Variants in CHRM3 observed in about 807,000 individuals in gnomAD.
CHRM3 encodes the protein muscarinic acetylcholine receptor M3.
In CHRM3, 11 loss-of-function variants were observed where a neutral mutation model predicts 41.8. The ratio of observed to expected loss-of-function variants is 0.26; its 90% CI spans 0.17 to 0.44. The LOEUF is 0.44. Ranked by LOEUF, CHRM3 falls within the 20% of genes least tolerant of loss-of-function variation. The probability of loss-of-function intolerance (pLI) is 1.00; values close to 1 mark genes in which losing one functional copy is unlikely to be tolerated. For synonymous variants in CHRM3, 297 were observed against 301.4 expected (o/e 0.99, Z 0.15); for missense variants, 571 against 745.4 (o/e 0.77, Z 2.72).
rs1211315146 is a variant in CHRM3 at position 239,615,851 on chromosome 1, A to C, written c.-312-16373A>C. Among the ~76,000 whole-genome samples the C allele has an allele frequency of 2.6e-5, 4 of 152,304 alleles. No individual in the cohort carries two copies. The East Asian group carries it at 5.8e-4, about 22-fold the overall frequency. On this transcript the variant is annotated intron_variant, in intron 3 of 6. Transcript: ENST00000676153. ...TTTCTTCCTAAAACTTGGTTCAGCC[A>C]GGGTACTTTCTTACATGCCACTCTT...
intron 5 of CHRM3, among the ~76,000 whole-genome samples, chr1:239,689,389 A>G (rs1186186667): frequency 6.6e-6 from 1 of 152,196 alleles, no homozygotes; most frequent in Non-Finnish European, 1.5e-5. Flanking sequence ...TGACATTCAA[A>G]TTTAGGCTAA....
At chr1:239,685,901 C>A (rs1423708096) in intron 5 of CHRM3, among the ~76,000 whole-genome samples, 1 of 152,090 alleles carries the variant, frequency 6.6e-6, no homozygotes, top group Non-Finnish European at 1.5e-5. Flanking sequence ...CCTGTCACTG[C>A]CTCCTGCCAT....
intron 1 of CHRM3, among the ~76,000 whole-genome samples, chr1:239,435,408 C>G (rs889139368): frequency 1.1e-4 from 17 of 151,160 alleles, no homozygotes; most frequent in African/African-American, 4.1e-4. Context: ...GAGATTGCAC[C>G]ACTGCACTCC....
At chr1:239,593,609 C>T (rs1315119028) in intron 3 of CHRM3, among the ~76,000 whole-genome samples, 2 of 152,066 alleles carry the variant, frequency 1.3e-5, no homozygotes, top group Non-Finnish European at 2.9e-5. Flanking sequence ...AATATTAGAA[C>T]TAAGAGTAGT....
chr1:239,785,218 A>C (rs1668795841), intron 5 of CHRM3, among the ~76,000 whole-genome samples: 1 of 152,136 alleles, frequency 6.6e-6, no homozygotes, highest in African/African-American at 2.4e-5. Context: ...TCCCCTATAA[A>C]AGCCAAGCAG....
chr1:239,876,730 A>G (rs1033420249), intron 6 of CHRM3, among the ~76,000 whole-genome samples: 1 of 152,170 alleles, frequency 6.6e-6, no homozygotes, highest in African/African-American at 2.4e-5. Context: ...AAACAGCAGA[A>G]AGTAGGAAGC....
intron 4 of CHRM3, among the ~76,000 whole-genome samples, chr1:239,637,551 C>T (rs12097526): frequency 0.37 from 30,396 of 81,620 alleles, 4,174 homozygotes; most frequent in Admixed American, 0.42. Context: ...TGGTGAAATG[C>T]TCTTTTATTA....
chr1:239,454,968 A>G (rs939354685), intron 1 of CHRM3, among the ~76,000 whole-genome samples: 1 of 152,208 alleles, frequency 6.6e-6, no homozygotes, highest in Non-Finnish European at 1.5e-5. Context: ...TGTATAGTAC[A>G]TAATACTTGG....
intron 5 of CHRM3, among the ~76,000 whole-genome samples, chr1:239,737,668 G>A (rs1664500562): frequency 6.6e-6 from 1 of 152,100 alleles, no homozygotes; most frequent in Admixed American, 6.6e-5. Flanking sequence ...CTAGGGTAGA[G>A]CAATGTTTTC....
chr1:239,627,560 G>T (rs1398582827), intron 3 of CHRM3, among the ~76,000 whole-genome samples: 11 of 119,196 alleles, frequency 9.2e-5, no homozygotes, highest in African/African-American at 3.0e-4. Context: ...GTTAGCTGGT[G>T]ATTTTGCTCA....
At chr1:239,811,258 C>T (rs1286821943) in intron 5 of CHRM3, among the ~76,000 whole-genome samples, 2 of 152,206 alleles carry the variant, frequency 1.3e-5, no homozygotes, top group Admixed American at 6.5e-5. Context: ...TATTTTAGCT[C>T]TTATGATGTG....
chr1:239,641,045 G>A lies in CHRM3; in HGVS notation c.-250+8759G>A, dbSNP rs540368619. On this transcript the variant is annotated intron_variant, in intron 4 of 6. Transcript: ENST00000676153. The stretch of plus-strand genomic sequence containing the variant: ...TGTACCCAGTAGTCATTCAGGAGCA[G>A]GTTGTTCAGTTTAATGTAGGTGAGC... 3.3e-5 allele frequency among the ~76,000 whole-genome samples: 5 copies of A among 152,270 alleles called. No individual in the cohort carries two copies. The East Asian group carries it at 7.7e-4, about 24-fold the overall frequency.
At chr1:239,432,977 C>A (rs72754672) in intron 1 of CHRM3, among the ~76,000 whole-genome samples, 25,738 of 152,006 alleles carry the variant, frequency 0.17, 2,701 homozygotes, top group Non-Finnish European at 0.22. Flanking sequence ...CCAGTCTTGA[C>A]TTTTTCCCCT....
intron 2 of CHRM3, among the ~76,000 whole-genome samples, chr1:239,543,525 T>TG (rs1041166704): frequency 2.0e-5 from 3 of 151,488 alleles, no homozygotes; most frequent in African/African-American, 7.3e-5. Flanking sequence ...TTTTTTTTTT[T>TG]GTGATGGAGT....
chr1:239,499,121 G>C (rs572851343), intron 2 of CHRM3, among the ~76,000 whole-genome samples: 3 of 152,244 alleles, frequency 2.0e-5, no homozygotes, highest in African/African-American at 7.2e-5. Context: ...GTATTGGTAA[G>C]TTACTAGAAA....
intron 1 of CHRM3, among the ~76,000 whole-genome samples, chr1:239,456,611 T>C (rs1302031034): frequency 6.6e-6 from 1 of 152,190 alleles, no homozygotes; most frequent in Non-Finnish European, 1.5e-5. Flanking sequence ...ACCGTATGTG[T>C]TTCTTACAAT....
intron 3 of CHRM3, among the ~76,000 whole-genome samples, chr1:239,596,270 C>A (rs1031133185): frequency 6.6e-6 from 1 of 152,134 alleles, no homozygotes. Flanking sequence ...TTAGAAACCT[C>A]CAACTCTGTG....
chr1:239,752,801 T>A (rs1665939974), intron 5 of CHRM3, among the ~76,000 whole-genome samples: 1 of 152,204 alleles, frequency 6.6e-6, no homozygotes. Flanking sequence ...ATAATAATTT[T>A]ATTTTTGACC....
chr1:239,841,044 A>T (rs1476609784), intron 6 of CHRM3, among the ~76,000 whole-genome samples: 2 of 152,144 alleles, frequency 1.3e-5, no homozygotes, highest in African/African-American at 4.8e-5. Context: ...ATCCACCCAC[A>T]CTGTGTTCCA....
Sources: gnomAD v4.1 joint callset for allele counts (sites outside exome capture counted in the v4.1 genomes callset) on GRCh38, gnomAD v4.1.1 for gene constraint, MANE v1.5 for transcripts, NCBI Gene and HGNC (gene_info 2026-07-23, HGNC 2026-07-21) for gene names.